The following CDH4 variants were observed in gnomAD, a reference collection of about 807,000 sequenced individuals.
CDH4 encodes cadherin-4.
A neutral mutation model predicts 86.0 loss-of-function variants in CDH4; 33 were observed. The ratio of observed to expected loss-of-function variants is 0.38; its 90% CI spans 0.29 to 0.51. The LOEUF (loss-of-function observed/expected upper bound fraction) is 0.51, where lower values mean the gene tolerates loss of function less well. CDH4 is among the 20% of genes least tolerant of loss of function. The pLI, the probability that CDH4 is intolerant of heterozygous loss-of-function variation, is 0.86. For synonymous variants in CDH4, 555 were observed against 549.4 expected, an observed-to-expected ratio of 1.01 and a Z score of -0.14; for missense variants, 1,114 against 1,307.4, an observed-to-expected ratio of 0.85 and a Z score of 2.28.
chr20:61,813,298 C>T (rs1250723406), intron 4 of CDH4, among the ~76,000 whole-genome samples: 1 of 152,168 alleles, frequency 6.6e-6, no homozygotes, highest in Non-Finnish European at 1.5e-5. Context: ...CGGGAGTCCA[C>T]GTGTGTCCTC....
intron 2 of CDH4, among the ~76,000 whole-genome samples, chr20:61,640,952 T>C (rs1193541727): frequency 1.3e-5 from 2 of 152,208 alleles, no homozygotes; most frequent in African/African-American, 2.4e-5. Flanking sequence ...CTGGGCCTGC[T>C]GTGGGAACGC....
intron 5 of CDH4, among the ~76,000 whole-genome samples, chr20:61,845,759 G>A (rs769855456): frequency 6.6e-5 from 10 of 152,236 alleles, no homozygotes; most frequent in African/African-American, 1.4e-4. Context: ...GTGCTTCTCC[G>A]TGGTAACTCG....
chr20:61,322,873 G>C (rs1394987775), intron 2 of CDH4, among the ~76,000 whole-genome samples: 1 of 152,158 alleles, frequency 6.6e-6, no homozygotes, highest in Non-Finnish European at 1.5e-5. Flanking sequence ...GAGTGTATTG[G>C]ATGCTCTTCA....
intron 8 of CDH4, among the ~76,000 whole-genome samples, chr20:61,907,629 C>A (rs938774628): frequency 6.6e-6 from 1 of 152,098 alleles, no homozygotes; most frequent in Non-Finnish European, 1.5e-5. Context: ...GACTCCTGGG[C>A]GGCTCAAAAC....
chr20:61,454,387 T>G (rs1483376737), intron 2 of CDH4, among the ~76,000 whole-genome samples: 2 of 151,968 alleles, frequency 1.3e-5, no homozygotes, highest in Non-Finnish European at 2.9e-5. Context: ...CACGGGCGGT[T>G]GTTAGTGAAG....
At chr20:61,638,932 G>A (rs1443989982) in intron 2 of CDH4, among the ~76,000 whole-genome samples, 2 of 152,148 alleles carry the variant, frequency 1.3e-5, no homozygotes, top group Non-Finnish European at 1.5e-5. Flanking sequence ...AGGGACCCAC[G>A]GAGGCCAATA....
intron 2 of CDH4, among the ~76,000 whole-genome samples, chr20:61,359,622 C>G (rs2084773121): frequency 6.6e-6 from 1 of 152,212 alleles, no homozygotes; most frequent in Non-Finnish European, 1.5e-5. Context: ...TCTTTGGGGA[C>G]AAGGACTTAG....
intron 9 of CDH4, among the ~76,000 whole-genome samples, chr20:61,918,893 C>T (rs895888626): frequency 5.9e-5 from 9 of 152,120 alleles, no homozygotes; most frequent in African/African-American, 2.2e-4. Flanking sequence ...TTTTTTGAGA[C>T]GAGGTCTTAC....
intron 3 of CDH4, among the ~76,000 whole-genome samples, chr20:61,750,371 T>A (rs2088477131): frequency 6.6e-6 from 1 of 152,136 alleles, no homozygotes; most frequent in South Asian, 2.1e-4. Context: ...CACTTAAAAA[T>A]ATACATGAAA....
At chr20:61,593,896 G>A (rs536917516) in intron 2 of CDH4, among the ~76,000 whole-genome samples, 6 of 151,048 alleles carry the variant, frequency 4.0e-5, no homozygotes, top group Admixed American at 6.6e-5. Context: ...AGCACCTCCC[G>A]GGCAGGGATT....
At position 61,934,929 on chromosome 20, in the gene CDH4, C is replaced by T. The variant is rs564642874; in HGVS notation, c.2544+709C>T. 4.6e-5 allele frequency among the ~76,000 whole-genome samples: 7 copies of T among 152,368 alleles called. No homozygotes were observed. The South Asian group carries it at 6.2e-4, about 14-fold the overall frequency. ...ACATTTGAAACATCGCTTACAATGT[C>T]GCCAGGGCAACACTCAGTTTCCACT... is the stretch of plus-strand genomic sequence containing the variant. On this transcript the variant is annotated intron_variant, in intron 15 of 15. Transcript: ENST00000614565.
intron 2 of CDH4, among the ~76,000 whole-genome samples, chr20:61,565,062 T>TTGGTGGTAGTGGTGGTGG (rs1555808994): frequency 2.0e-5 from 2 of 101,218 alleles, no homozygotes; most frequent in African/African-American, 8.5e-5. Flanking sequence ...GGTGGTGCTC[T>TTGGTGGTAGTGGTGGTGG]TGGTGGTGGT....
At chr20:61,439,682 G>A (rs1010037912) in intron 2 of CDH4, among the ~76,000 whole-genome samples, 1 of 152,246 alleles carries the variant, frequency 6.6e-6, no homozygotes, top group Non-Finnish European at 1.5e-5. Flanking sequence ...AGGACTGTAT[G>A]AGTCAGACAG....
At chr20:61,935,239 T>C (rs919171441) in intron 15 of CDH4, among the ~76,000 whole-genome samples, 2 of 152,212 alleles carry the variant, frequency 1.3e-5, no homozygotes, top group African/African-American at 4.8e-5. Flanking sequence ...GGTCAGAATC[T>C]CACTTTAAAG....
At chr20:61,737,032 G>A (rs1472177512) in intron 2 of CDH4, among the ~76,000 whole-genome samples, 1 of 152,192 alleles carries the variant, frequency 6.6e-6, no homozygotes, top group Non-Finnish European at 1.5e-5. Flanking sequence ...GTCCCAGGCT[G>A]TTGGATTCTC....
chr20:61,768,754 G>T (rs969953931), intron 3 of CDH4, among the ~76,000 whole-genome samples: 7 of 152,132 alleles, frequency 4.6e-5, no homozygotes, highest in African/African-American at 1.4e-4. Flanking sequence ...AGCCCGCACA[G>T]GTCTGGCACT....
At chr20:61,598,645 TG>T in intron 2 of CDH4, among the ~76,000 whole-genome samples, 2 of 152,280 alleles carry the variant, frequency 1.3e-5, no homozygotes, top group African/African-American at 4.8e-5. Flanking sequence ...CACCCGACCC[TG>T]GGACCAGTTT....
intron 2 of CDH4, among the ~76,000 whole-genome samples, chr20:61,472,635 A>T (rs2085511392): frequency 6.6e-6 from 1 of 152,210 alleles, no homozygotes; most frequent in Non-Finnish European, 1.5e-5. Flanking sequence ...CTGATTGTAC[A>T]AACAAATTGT....
chr20:61,406,855 C>A (rs2085087073), intron 2 of CDH4, among the ~76,000 whole-genome samples: 1 of 148,884 alleles, frequency 6.7e-6, no homozygotes, highest in South Asian at 2.2e-4. Context: ...GGACCACCAT[C>A]TGCCATCTGC....
Sources: allele counts gnomAD v4.1 joint callset (sites outside exome capture counted in the v4.1 genomes callset), GRCh38; gene constraint gnomAD v4.1.1; transcripts MANE v1.5; gene names NCBI Gene and HGNC (gene_info 2026-07-23, HGNC 2026-07-21).